Variants in BRD8 observed in about 807,000 individuals in gnomAD.
BRD8 encodes bromodomain containing 8.
BRD8 carries 67 observed loss-of-function variants against 143.1 expected under a neutral mutation model. That is an observed-to-expected ratio of 0.47 (90% confidence interval 0.38 to 0.57). The LOEUF (loss-of-function observed/expected upper bound fraction) is 0.57. BRD8 is among the 20% of genes least tolerant of loss of function. The pLI is 0.00. For missense variants in BRD8, 1,103 were observed against 1,503.0 expected, an observed-to-expected ratio of 0.73 and a Z score of 4.40; for synonymous variants, 505 against 517.1, an observed-to-expected ratio of 0.98 and a Z score of 0.32.
chr5:138,152,956 G>A (rs1385251420), intron 20 of BRD8, among the ~76,000 whole-genome samples, 196 bp from the exon 21 acceptor site: 1 of 152,136 alleles, frequency 6.6e-6, no homozygotes, highest in Non-Finnish European at 1.5e-5. Flanking sequence ...AATAAAGAAA[G>A]CCCCATGTCA....
Position 138,178,615 on chromosome 5 carries a change from C to T in BRD8, c.-1G>A. On this transcript the variant is annotated 5_prime_UTR_variant, in exon 1 of 27. Transcript: ENST00000254900. ...ACTCACTGCCCGTTCCCGTCGCCATCTTGGCCCCGAAGTCTCCAACCCTGA... is the reference window on the plus strand; with the variant it reads ...ACTCACTGCCCGTTCCCGTCGCCATTTTGGCCCCGAAGTCTCCAACCCTGA... 1 of 1,614,010 alleles carries T rather than the reference C, an allele frequency of 6.2e-7. No individual in the cohort carries two copies. The highest frequency in any genetic ancestry group is 1.1e-5 in the South Asian group (1 of 91,082).
intron 25 of BRD8, among the ~76,000 whole-genome samples, chr5:138,141,882 T>C (rs890553698): frequency 6.6e-6 from 1 of 152,186 alleles, no homozygotes; most frequent in South Asian, 2.1e-4. Flanking sequence ...TAACTGTTGG[T>C]TGATCACGAG....
At chr5:138,148,159 G>GAA (rs764280222) in intron 23 of BRD8, among the ~76,000 whole-genome samples, 119 of 73,612 alleles carry the variant, frequency 1.6e-3, no homozygotes, top group African/African-American at 5.4e-3. Flanking sequence ...TGATGAGCTG[G>GAA]AAAAAAAAAA....
chr5:138,168,043 G>C lies in BRD8; in HGVS notation c.678C>G (p.His226Gln). The C allele has an allele frequency of 6.2e-7, 1 of 1,613,266 alleles. No individual in the cohort carries two copies. The highest frequency in any genetic ancestry group is 8.5e-7 in the Non-Finnish European group (1 of 1,179,472). The change falls in exon 9 of 27, where the codon CAC becomes CAG. Residue 226 changes from histidine to glutamine, a missense_variant. His to Gln is a conservative substitution (Grantham distance 24). Around this residue, in one of 7 missense-constraint regions of BRD8, gnomAD observed 334 missense variants for 372.5 expected, o/e 0.90. Coordinates refer to ENST00000254900, the MANE Select transcript of BRD8 (RefSeq NM_139199.2). ...CCAGGAGGACACCTGTACTGTTCAGGTGGCCAGAAGCCACAGCCATTTCAC... is the reference window on the plus strand; with the variant it reads ...CCAGGAGGACACCTGTACTGTTCAGCTGGCCAGAAGCCACAGCCATTTCAC... ...NESEMAVASGHLNSTGVLLEV... is the reference protein window; with the variant it reads ...NESEMAVASGQLNSTGVLLEV...
intron 2 of BRD8, chr5:138,172,887 G>A (rs1201975466): frequency 3.7e-5 from 8 of 215,214 alleles, no homozygotes; most frequent in Non-Finnish European, 7.8e-5. Context: ...AGCATATATA[G>A]TATATAATCA....
intron 8 of BRD8, 26 bp downstream of exon 8, chr5:138,169,196 A>G: frequency 1.9e-5 from 30 of 1,609,384 alleles, no homozygotes; most frequent in Non-Finnish European, 2.5e-5. Flanking sequence ...TCACTGATCA[A>G]TTCCCACAGA....
At chr5:138,158,480 C>G (rs1286246660) in intron 20 of BRD8, among the ~76,000 whole-genome samples, 1 of 151,984 alleles carries the variant, frequency 6.6e-6, no homozygotes. Flanking sequence ...CTCTTGTTGC[C>G]CAGGCTGGAG....
chr5:138,166,158 C>T (rs756204487), intron 10 of BRD8, 50 bp from the exon 11 acceptor site: 10 of 1,365,868 alleles, frequency 7.3e-6, no homozygotes, highest in Admixed American at 1.8e-5. Flanking sequence ...GGGTACAAAG[C>T]GACCACCTTG....
At chr5:138,166,929 T>C (rs1480634559) in intron 9 of BRD8, 4 of 509,068 alleles carry the variant, frequency 7.9e-6, no homozygotes, top group Non-Finnish European at 1.4e-5. Flanking sequence ...ACCAAAGCAC[T>C]AGAACACACA....
chr5:138,169,107 CA>C (rs1753669460), intron 8 of BRD8, 114 bp downstream of exon 8: 1 of 1,116,924 alleles, frequency 9.0e-7, no homozygotes, highest in African/African-American at 1.6e-5. Flanking sequence ...AAGTCTTTAG[CA>C]TTCAGATCAA....
intron 2 of BRD8, among the ~76,000 whole-genome samples, chr5:138,174,750 G>A (rs893734963): frequency 1.3e-5 from 2 of 152,096 alleles, no homozygotes; most frequent in Admixed American, 6.6e-5. Context: ...TGAACCATAA[G>A]ATAACCAGAA....
At chr5:138,146,001 C>G in intron 23 of BRD8, 123 bp from the exon 24 acceptor site, 1 of 658,100 alleles carries the variant, frequency 1.5e-6, no homozygotes. Flanking sequence ...CTTTTTATCT[C>G]CCCTTATCTG....
At chr5:138,159,468 A>C in intron 20 of BRD8, 87 bp downstream of exon 20, 2 of 1,368,788 alleles carry the variant, frequency 1.5e-6, no homozygotes, top group Non-Finnish European at 2.1e-6. Flanking sequence ...CACAGTCTGC[A>C]TGTTGGATTT....
At chr5:138,142,057 AGCC>A (rs1408173915) in intron 25 of BRD8, among the ~76,000 whole-genome samples, 1 of 152,212 alleles carries the variant, frequency 6.6e-6, no homozygotes, top group East Asian at 1.9e-4. Context: ...TAAGAGGTGG[AGCC>A]TTTGGGAGGT....
intron 26 of BRD8, 132 bp downstream of exon 26, chr5:138,140,573 T>C: frequency 9.5e-7 from 1 of 1,055,122 alleles, no homozygotes; most frequent in Non-Finnish European, 1.4e-6. Flanking sequence ...AGCAGGCACA[T>C]TATCAATCCT....
At position 138,168,025 on chromosome 5, in the gene BRD8, G is replaced by A; in HGVS notation, c.696C>T (p.Val232=). 2 of 1,613,360 alleles carry A rather than the reference G, an allele frequency of 1.2e-6. No individual in the cohort carries two copies. The highest frequency in any genetic ancestry group is 1.7e-5 in the Admixed American group (1 of 60,004). Residue 232 remains valine, a synonymous_variant, in exon 9 of 27, where the codon GTC becomes GTT. Coordinates refer to ENST00000254900, the MANE Select transcript of BRD8 (RefSeq NM_139199.2). ...VASGHLNSTG[V]LLEVGGVLPM... ...GAAGGACCCCGCCTACCTCCAGGAG[G>A]ACACCTGTACTGTTCAGGTGGCCAG...
Position 138,166,605 on chromosome 5 carries a change from C to T in BRD8, c.910G>A (p.Val304Met). 1 of 1,613,850 alleles carries T rather than the reference C, an allele frequency of 6.2e-7. No individual in the cohort carries two copies. The highest frequency in any genetic ancestry group is 8.5e-7 in the Non-Finnish European group (1 of 1,179,792). The change falls in exon 10 of 27, where the codon GTG (valine) becomes ATG (methionine). Residue 304 changes from valine to methionine, a missense_variant. Val to Met is a conservative substitution (Grantham distance 21). Around this residue, in one of 7 missense-constraint regions of BRD8, gnomAD observed 334 missense variants for 372.5 expected, o/e 0.90. Transcript: ENST00000254900. The stretch of plus-strand genomic sequence containing the variant: ...ATCATGACAATGGTAGCTTGGGACA[C>T]AGACTCTACAGGGGGTGGCACAAGT... ...VKLVPPPVES[V>M]SQATIVMMPA...
chr5:138,170,980 A>T, intron 5 of BRD8, 58 bp downstream of exon 5: 1 of 1,612,714 alleles, frequency 6.2e-7, no homozygotes, highest in Non-Finnish European at 8.5e-7. Context: ...TCTGACCAGT[A>T]CCAGAAGACA....
chr5:138,153,673 CTTTTTTTTT>C (rs67848204), intron 20 of BRD8, among the ~76,000 whole-genome samples: 9 of 107,362 alleles, frequency 8.4e-5, no homozygotes, highest in Middle Eastern at 4.8e-3. Context: ...CTTTTCTTTT[CTTTTTTTTT>C]TTTTTTTTTT....
Sources: allele counts gnomAD v4.1 joint callset (sites outside exome capture counted in the v4.1 genomes callset), GRCh38; gene constraint gnomAD v4.1.1; regional missense constraint gnomAD v4.1.1; transcripts MANE v1.5; gene names NCBI Gene and HGNC (gene_info 2026-07-23, HGNC 2026-07-21).